The following IL6ST variants were observed in gnomAD, a reference collection of about 807,000 sequenced individuals.
The protein encoded by IL6ST is interleukin-6 receptor subunit beta.
Under a neutral mutation model 91.3 loss-of-function variants are expected in IL6ST, and 24 were observed. The observed-to-expected ratio is 0.26, with a 90% CI of 0.19 to 0.37. The LOEUF (loss-of-function observed/expected upper bound fraction) is 0.37, where lower values mean the gene tolerates loss of function less well. Ranked by LOEUF, IL6ST falls within the 10% of genes least tolerant of loss-of-function variation. The pLI is 1.00. For missense variants in IL6ST, 914 were observed against 1,078.5 expected (o/e 0.85, Z 2.14); for synonymous variants, 351 against 373.6 (o/e 0.94, Z 0.70).
At chr5:55,959,598 A>T in intron 8 of IL6ST, 1 of 1,184,902 alleles carries the variant, frequency 8.4e-7, no homozygotes, top group Non-Finnish European at 1.1e-6. Context: ...TATTATCTAT[A>T]GGAGAAAAAA....
rs780025899 is a variant in IL6ST at position 55,954,929 on chromosome 5, G to C, written c.1331C>G (p.Thr444Ser). ...TTTCTTTACAGATTCCCTTGGAGTAGTCCATTCCACCCAAAGCATGTTATC... is the reference window on the plus strand; with the variant it reads ...TTTCTTTACAGATTCCCTTGGAGTACTCCATTCCACCCAAAGCATGTTATC... ...PKDNMLWVEW[T>S]TPRESVKKYI... The change falls in exon 11 of 17, where the codon ACT becomes AGT. Residue 444 changes from threonine (T) to serine (S), a missense_variant. Thr to Ser is a moderately conservative substitution (Grantham distance 58). Coordinates refer to ENST00000381298, the MANE Select transcript of IL6ST (RefSeq NM_002184.4). The C allele has an allele frequency of 1.9e-6, 3 of 1,612,684 alleles. No individual in the cohort carries two copies. The highest frequency in any genetic ancestry group is 2.2e-5 in the South Asian group (2 of 90,898).
rs1457079460 is a variant in IL6ST, at chr5:55,941,326, G to A, written c.2513C>T (p.Ser838Leu). 6.2e-7 allele frequency: 1 copy of A among 1,614,088 alleles called. No individual in the cohort carries two copies. The highest frequency in any genetic ancestry group is 1.1e-5 in the South Asian group (1 of 91,076). Reference protein sequence around the residue: ...ISHFERSKQVSSVNEEDFVRL... With the variant: ...ISHFERSKQVLSVNEEDFVRL... ...AACAAAATCTTCCTCATTGACTGAT[G>A]AAACTTGCTTTGACCTTTCAAAATG... The change falls in exon 17 of 17, where the codon TCA becomes TTA. Residue 838 changes from serine to leucine, a missense_variant. Ser to Leu is a moderately radical substitution (Grantham distance 145). Coordinates refer to ENST00000381298, the MANE Select transcript of IL6ST (RefSeq NM_002184.4).
intron 8 of IL6ST, chr5:55,959,723 T>C: frequency 1.1e-6 from 1 of 926,294 alleles, no homozygotes; most frequent in East Asian, 5.7e-5. Context: ...TTTTTGATAG[T>C]GGGGATCTAA....
intron 3 of IL6ST, among the ~76,000 whole-genome samples, chr5:55,971,132 C>T (rs1250189514): frequency 2.0e-5 from 3 of 152,130 alleles, no homozygotes; most frequent in African/African-American, 7.2e-5. Flanking sequence ...TATTATGTAT[C>T]ATAATCTTTT....
chr5:55,954,626 T>A (rs1473653441), intron 11 of IL6ST, among the ~76,000 whole-genome samples, 184 bp downstream of exon 11: 1 of 152,222 alleles, frequency 6.6e-6, no homozygotes, highest in Non-Finnish European at 1.5e-5. Flanking sequence ...CCCACTCTGT[T>A]CATAAAGAGA....
intron 11 of IL6ST, among the ~76,000 whole-genome samples, chr5:55,953,301 T>G (rs371922030): frequency 9.2e-5 from 14 of 152,226 alleles, no homozygotes; most frequent in Admixed American, 7.9e-4. Context: ...AAATGAACAA[T>G]TTTTATATTC....
At chr5:55,990,462 G>C (rs1754254751) in intron 1 of IL6ST, among the ~76,000 whole-genome samples, 1 of 152,046 alleles carries the variant, frequency 6.6e-6, no homozygotes, top group Non-Finnish European at 1.5e-5. Context: ...CTCCTTTACT[G>C]AATTCTCTGC....
At chr5:55,943,790 C>T (rs1262836853) in intron 15 of IL6ST, among the ~76,000 whole-genome samples, 1 of 152,154 alleles carries the variant, frequency 6.6e-6, no homozygotes, top group African/African-American at 2.4e-5. Context: ...CACAAAGCGG[C>T]TGGGCGCGGT....
chr5:55,953,666 G>A lies in IL6ST; in HGVS notation c.1450+1144C>T, dbSNP rs183268220. ...CTCCCAAAGTGCTGGAATTACAGGC[G>A]TGAGCCACCGCATCGGCTGCTGCTT... On this transcript the variant is annotated intron_variant, in intron 11 of 16. Coordinates refer to ENST00000381298, the MANE Select transcript of IL6ST (RefSeq NM_002184.4). Among the ~76,000 whole-genome samples, 246 of 152,332 alleles carry A rather than the reference G, an allele frequency of 1.6e-3. 1 individual carries two copies. The Middle Eastern group carries it at 0.017, about 11-fold the overall frequency.
chr5:55,950,535 CAAAAAAAAAAAAA>C lies in IL6ST; in HGVS notation c.1840+916_1840+928del, dbSNP rs70995750. Among the ~76,000 whole-genome samples the C allele has an allele frequency of 3.7e-4, 11 of 29,362 alleles. No homozygotes were observed. In the Admixed American group the frequency reaches 3.8e-3, roughly 10 times the overall value. The allele number at this position is 29,362 out of a possible 152,430, so 19.3% of individuals were successfully genotyped here. A position where few individuals can be genotyped will look rare whatever the true frequency, so the allele number is the denominator to read the frequency against. On this transcript the variant is annotated intron_variant, in intron 14 of 16. Transcript: ENST00000381298. The stretch of plus-strand genomic sequence containing the variant: ...TGGGTGACAGAGCGAGACTCTGTCT[CAAAAAAAAAAAAA>C]AAAAAAAAAAAAGCAAAAAAAGGAG...
intron 10 of IL6ST, among the ~76,000 whole-genome samples, 199 bp downstream of exon 10, chr5:55,955,826 G>C (rs774406025): frequency 2.0e-5 from 3 of 152,176 alleles, no homozygotes; most frequent in Non-Finnish European, 2.9e-5. Context: ...AGACCAGCCT[G>C]AGCAACCTGG....
At chr5:55,943,698 C>T (rs1374548023) in intron 15 of IL6ST, among the ~76,000 whole-genome samples, 1 of 152,090 alleles carries the variant, frequency 6.6e-6, no homozygotes, top group African/African-American at 2.4e-5. Context: ...TTGTGACACC[C>T]ATTCATGATA....
intron 10 of IL6ST, among the ~76,000 whole-genome samples, chr5:55,955,371 C>T (rs1191402240): frequency 1.3e-5 from 2 of 152,102 alleles, no homozygotes; most frequent in South Asian, 2.1e-4. Context: ...GCACAAGAAT[C>T]GCTTGAAGCC....
Position 55,937,585 on chromosome 5 carries a change from A to G in IL6ST, c.*3497T>C, listed in dbSNP as rs1442558231. On this transcript the variant is annotated 3_prime_UTR_variant, in exon 17 of 17. Transcript: ENST00000381298. ...TCATACCTTCTTTGAAATCAATGAC[A>G]ATGTCCAATTTTAGGCTAATCCTAA... The G allele has an allele frequency of 4.9e-6, 1 of 202,314 alleles. No homozygotes were observed. Among genetic ancestry groups the G allele is most frequent in the African/African-American group, 2.3e-5 (1 of 43,634 alleles). 12.5% of individuals were successfully genotyped at this position (202,314 alleles called of 1,614,324 possible).
At chr5:55,965,638 A>AT (rs948152820) in intron 5 of IL6ST, among the ~76,000 whole-genome samples, 14 of 152,238 alleles carry the variant, frequency 9.2e-5, no homozygotes, top group African/African-American at 2.6e-4. Flanking sequence ...GAAATACATG[A>AT]TGACCCTGTA....
At chr5:55,953,989 T>C (rs1370231875) in intron 11 of IL6ST, among the ~76,000 whole-genome samples, 1 of 150,978 alleles carries the variant, frequency 6.6e-6, no homozygotes, top group Non-Finnish European at 1.5e-5. Context: ...CCTGTATTTA[T>C]TTTTTTTTAA....
intron 5 of IL6ST, among the ~76,000 whole-genome samples, chr5:55,966,144 C>T (rs1236207218): frequency 2.0e-5 from 3 of 152,118 alleles, no homozygotes; most frequent in Non-Finnish European, 4.4e-5. Context: ...AATTTATATA[C>T]AAATTATAAT....
chr5:55,983,403 G>A lies in IL6ST; in HGVS notation c.-103-592C>T, dbSNP rs527337364. ...CATGACAGGAACATTTATGACAGAC[G>A]GAGTTCTTTAACAATCACATATTTC... On this transcript the variant is annotated intron_variant, in intron 1 of 16. Coordinates refer to ENST00000381298, the MANE Select transcript of IL6ST (RefSeq NM_002184.4). Among the ~76,000 whole-genome samples, 10 of 152,200 alleles carry A rather than the reference G, an allele frequency of 6.6e-5. No homozygotes were observed. The East Asian group carries it at 1.7e-3, about 26-fold the overall frequency.
In IL6ST at chr5:55,963,505, C is replaced by T; in HGVS notation, c.660G>A (p.Val220=). 1.2e-6 allele frequency: 2 copies of T among 1,600,726 alleles called. No homozygotes were observed. The highest frequency in any genetic ancestry group is 1.7e-6 in the Non-Finnish European group (2 of 1,173,846). The change falls in exon 7 of 17, where the codon GTG becomes GTA. Residue 220 remains valine (V), a splice_region_variant and synonymous_variant. Transcript: ENST00000381298. ...ATAAATTATGTGGCGGATTGGGCTTCACTGAAAAATAAAATAAATCCTAAG... is the reference window on the plus strand; with the variant it reads ...ATAAATTATGTGGCGGATTGGGCTTTACTGAAAAATAAAATAAATCCTAAG... ...DHINFDPVYK[V]KPNPPHNLSV...
Sources: allele counts gnomAD v4.1 joint callset (sites outside exome capture counted in the v4.1 genomes callset), GRCh38; gene constraint gnomAD v4.1.1; transcripts MANE v1.5; gene names NCBI Gene and HGNC (gene_info 2026-07-23, HGNC 2026-07-21).